BPNT2: variants seen among roughly 807,000 people sequenced by gnomAD.
BPNT2 encodes 3'(2'), 5'-bisphosphate nucleotidase 2.
A neutral mutation model predicts 29.3 loss-of-function variants in BPNT2; 11 were observed. The ratio of observed to expected loss-of-function variants is 0.38; its 90% confidence interval spans 0.24 to 0.62. BPNT2 has a LOEUF of 0.62. Among genes scored for constraint, BPNT2 ranks in the 20% least tolerant of loss-of-function variants. The pLI, the probability that BPNT2 is intolerant of heterozygous loss-of-function variation, is 0.62. For synonymous variants in BPNT2, 195 were observed against 187.7 expected, an observed-to-expected ratio of 1.04 and a Z score of -0.32; for missense variants, 459 against 473.4, an observed-to-expected ratio of 0.97 and a Z score of 0.28.
chr8:56,971,307 G>GTGGT (rs1037850186), intron 3 of BPNT2, among the ~76,000 whole-genome samples: 5 of 140,910 alleles, frequency 3.5e-5, no homozygotes, highest in African/African-American at 1.3e-4. Context: ...GAAATAAAAA[G>GTGGT]TGGTTGGTTG....
chr8:56,978,869 CCA>C (rs1325753908), intron 2 of BPNT2, among the ~76,000 whole-genome samples: 1 of 151,980 alleles, frequency 6.6e-6, no homozygotes, highest in African/African-American at 2.4e-5. Flanking sequence ...GAGGGGAACA[CCA>C]CACACTGGGG....
intron 3 of BPNT2, among the ~76,000 whole-genome samples, chr8:56,974,659 G>A (rs72647052): frequency 0.016 from 2,484 of 152,198 alleles, 36 homozygotes; most frequent in Non-Finnish European, 0.025. Flanking sequence ...GAGAGTTTGC[G>A]GACTAGCAAG....
chr8:56,976,698 A>G (rs1806145587), intron 3 of BPNT2, among the ~76,000 whole-genome samples: 1 of 152,296 alleles, frequency 6.6e-6, no homozygotes, highest in African/African-American at 2.4e-5. Flanking sequence ...CAAATACATA[A>G]TTTTAGAGTA....
rs963654125 is a variant in BPNT2, at chr8:56,958,676, C to A, written c.*5117G>T. On this transcript the variant is annotated 3_prime_UTR_variant, in exon 5 of 5. Coordinates refer to ENST00000262644, the MANE Select transcript of BPNT2 (RefSeq NM_017813.5). Reference sequence around the variant, plus strand: ...CCATTTCCTAGTTTTAGTGTAAACTCAATCCCTTGTGCATATACATCTAGT... The same window carrying A: ...CCATTTCCTAGTTTTAGTGTAAACTAAATCCCTTGTGCATATACATCTAGT... 6.6e-6 allele frequency: 1 copy of A among 152,188 alleles called. No individual in the cohort carries two copies. The allele number at this position is 152,188 out of a possible 1,614,324, so 9.4% of individuals were successfully genotyped here. A position where few individuals can be genotyped will look rare whatever the true frequency, so the allele number is the denominator to read the frequency against.
chr8:56,980,819 T>TATATACACACACACACAC (rs755705861), intron 1 of BPNT2, among the ~76,000 whole-genome samples: 6 of 141,510 alleles, frequency 4.2e-5, no homozygotes, highest in African/African-American at 1.6e-4. Flanking sequence ...TACATACATA[T>TATATACACACACACACAC]ACACACACAC....
At chr8:56,968,958 A>G (rs1161358794) in intron 3 of BPNT2, among the ~76,000 whole-genome samples, 1 of 152,190 alleles carries the variant, frequency 6.6e-6, no homozygotes. Context: ...TCTAAATCTA[A>G]TGACTGGTGT....
chr8:56,964,466 A>G (rs566736949), intron 4 of BPNT2: 1 of 166,882 alleles, frequency 6.0e-6, no homozygotes, highest in South Asian at 1.4e-4. Context: ...GCCCTGCTAA[A>G]TTTTTTTGTA....
At position 56,978,089 on chromosome 8, in the gene BPNT2, TG is replaced by T; in HGVS notation, c.606del (p.Met203CysfsTer2). The T allele has an allele frequency of 6.2e-7, 1 of 1,612,374 alleles. No homozygotes were observed. Among genetic ancestry groups the T allele is most frequent in the Non-Finnish European group, 8.5e-7 (1 of 1,178,684 alleles). ...AATGGCTTATGTATAACTCCTAGCA[TG>T]GGTTTACCATTTACAGCCACACACA... The part of the protein sequence containing the change: ...TMVCVAVNGK[P>X]MLGVIHKPFS... On this transcript the variant is annotated frameshift_variant, in exon 3 of 5. Transcript: ENST00000262644. LOFTEE classifies it high-confidence loss of function.
intron 4 of BPNT2, 92 bp downstream of exon 4, chr8:56,966,099 C>T (rs774280996): frequency 1.5e-5 from 21 of 1,399,552 alleles, no homozygotes; most frequent in Non-Finnish European, 1.8e-5. Context: ...CCTCACTTTC[C>T]TCCCAAGCAT....
At chr8:56,987,356 T>C (rs1267380831) in intron 1 of BPNT2, among the ~76,000 whole-genome samples, 1 of 152,192 alleles carries the variant, frequency 6.6e-6, no homozygotes, top group African/African-American at 2.4e-5. Context: ...TTTGAATCAG[T>C]GAACTCAATA....
chr8:56,992,862 G>A (rs1017831814), intron 1 of BPNT2, among the ~76,000 whole-genome samples: 1 of 152,116 alleles, frequency 6.6e-6, no homozygotes, highest in African/African-American at 2.4e-5. Context: ...GAGAGTCTTG[G>A]TGGATTTTAG....
rs970079653 is a variant in BPNT2 at position 56,961,557 on chromosome 8, G to C, written c.*2236C>G. On this transcript the variant is annotated 3_prime_UTR_variant, in exon 5 of 5. Transcript: ENST00000262644. ...TTCACAAAGTCATTATCTAGATGCAGATTAATACAATTAAAAATAAAAATA... is the reference window on the plus strand; with the variant it reads ...TTCACAAAGTCATTATCTAGATGCACATTAATACAATTAAAAATAAAAATA... 1 of 152,140 alleles carries C rather than the reference G, an allele frequency of 6.6e-6. No homozygotes were observed. Among genetic ancestry groups the C allele is most frequent in the Non-Finnish European group, 1.5e-5 (1 of 68,048 alleles). The allele number at this position is 152,140 out of a possible 1,614,324, so 9.4% of individuals were successfully genotyped here.
Position 56,962,209 on chromosome 8 carries a change from G to C in BPNT2, c.*1584C>G, listed in dbSNP as rs192798681. 1 of 152,182 alleles carries C rather than the reference G, an allele frequency of 6.6e-6. No individual in the cohort carries two copies. The highest frequency in any genetic ancestry group is 1.5e-5 in the Non-Finnish European group (1 of 68,032). 9.4% of individuals were successfully genotyped at this position (152,182 alleles called of 1,614,324 possible). A position where few individuals can be genotyped will look rare whatever the true frequency, so the allele number is the denominator to read the frequency against. On this transcript the variant is annotated 3_prime_UTR_variant, in exon 5 of 5. Transcript: ENST00000262644. Reference sequence around the variant, plus strand: ...AACACCTTCTCGAATTTGACCAGTTGCAAGAGATTGGGTGAAAACATTTGT... The same window carrying C: ...AACACCTTCTCGAATTTGACCAGTTCCAAGAGATTGGGTGAAAACATTTGT...
At chr8:56,971,105 A>G (rs559684767) in intron 3 of BPNT2, among the ~76,000 whole-genome samples, 3 of 152,170 alleles carry the variant, frequency 2.0e-5, no homozygotes, top group Non-Finnish European at 4.4e-5. Context: ...TTCATGTTAC[A>G]TAAACTCAAT....
intron 3 of BPNT2, among the ~76,000 whole-genome samples, 196 bp downstream of exon 3, chr8:56,977,854 G>T (rs779068825): frequency 6.6e-6 from 1 of 152,124 alleles, no homozygotes; most frequent in African/African-American, 2.4e-5. Context: ...TCAGCACCAC[G>T]ATTTTAGATT....
intron 3 of BPNT2, among the ~76,000 whole-genome samples, chr8:56,972,073 G>A (rs145026013): frequency 1.3e-5 from 2 of 151,190 alleles, no homozygotes; most frequent in African/African-American, 4.9e-5. Context: ...CCAGCCGAGC[G>A]AGACTCCGTC....
chr8:56,980,015 G>C lies in BPNT2; in HGVS notation c.550+20C>G. The C allele has an allele frequency of 1.2e-6, 2 of 1,611,632 alleles. No individual in the cohort carries two copies. Among genetic ancestry groups the C allele is most frequent in the Non-Finnish European group, 1.7e-6 (2 of 1,178,464 alleles). On this transcript the variant is annotated intron_variant, in intron 2 of 4. Coordinates refer to ENST00000262644, the MANE Select transcript of BPNT2 (RefSeq NM_017813.5). ...CTACTAAACGTCAATCAAATGTTTT[G>C]AGTTCAGTTTAAAAATTACCTGTAT... is the stretch of plus-strand genomic sequence containing the variant.
intron 1 of BPNT2, among the ~76,000 whole-genome samples, chr8:56,988,528 T>C (rs1309603931): frequency 6.6e-6 from 1 of 152,202 alleles, no homozygotes; most frequent in African/African-American, 2.4e-5. Flanking sequence ...TTAATAAAGG[T>C]TGGTTGCTAC....
Position 56,963,803 on chromosome 8 carries a change from C to A in BPNT2, c.1070G>T (p.Gly357Val). The change falls in exon 5 of 5, where the codon GGA becomes GTA. Residue 357 changes from glycine to valine, a missense_variant. Physicochemically the swap from Gly to Val is moderately radical, Grantham distance 109. Coordinates refer to ENST00000262644, the MANE Select transcript of BPNT2 (RefSeq NM_017813.5). Reference protein sequence around the residue: ...VRKLPDLEKTGHK With the variant: ...VRKLPDLEKTVHK Reference sequence around the variant, plus strand: ...TGTAATCAGTTATGCTCATTTATGTCCTGTCTTTTCTAGATCTGGGAGTTT... The same window carrying A: ...TGTAATCAGTTATGCTCATTTATGTACTGTCTTTTCTAGATCTGGGAGTTT... 6.2e-7 allele frequency: 1 copy of A among 1,614,164 alleles called. No individual in the cohort carries two copies. The highest frequency in any genetic ancestry group is 8.5e-7 in the Non-Finnish European group (1 of 1,180,030).
Sources: gnomAD v4.1 joint callset for allele counts (sites outside exome capture counted in the v4.1 genomes callset) on GRCh38, gnomAD v4.1.1 for gene constraint, MANE v1.5 for transcripts, NCBI Gene and HGNC (gene_info 2026-07-23, HGNC 2026-07-21) for gene names.